Variants in TENM2 observed in about 807,000 individuals in gnomAD.
TENM2 encodes the protein teneurin-2.
A neutral mutation model predicts 245.2 loss-of-function variants in TENM2; 52 were observed. The observed-to-expected ratio is 0.21, with a 90% CI of 0.17 to 0.27. TENM2 has a LOEUF of 0.27. Ranked by LOEUF, TENM2 falls within the 10% of genes least tolerant of loss-of-function variation. TENM2 has a pLI of 1.00. For synonymous variants in TENM2, 1,363 were observed against 1,438.9 expected, an observed-to-expected ratio of 0.95 and a Z score of 1.19; for missense variants, 3,046 against 3,666.8, an observed-to-expected ratio of 0.83 and a Z score of 4.37.
chr5:167,425,090 G>A (rs907454964), intron 2 of TENM2, among the ~76,000 whole-genome samples: 8 of 152,316 alleles, frequency 5.3e-5, no homozygotes, highest in South Asian at 4.1e-4. Flanking sequence ...TTTGGTTATA[G>A]TACCTGCTTT....
intron 12 of TENM2, chr5:168,149,493 C>A: frequency 2.4e-6 from 1 of 409,040 alleles, no homozygotes; most frequent in East Asian, 7.9e-5. Context: ...TAAAGCCTTC[C>A]CTTTCCGAGG....
intron 12 of TENM2, among the ~76,000 whole-genome samples, chr5:168,151,303 CT>C (rs1756638851): frequency 6.6e-6 from 1 of 152,170 alleles, no homozygotes; most frequent in African/African-American, 2.4e-5. Context: ...TGGAGGGCAC[CT>C]TTCTGGGGCT....
At chr5:167,036,445 C>T in the TENM2 span, among the ~76,000 whole-genome samples, 1 of 152,170 alleles carries the variant, frequency 6.6e-6, no homozygotes, top group East Asian at 1.9e-4. Context: ...TATAAATTAT[C>T]CTCTTCAAAA....
At chr5:167,674,783 A>G (rs889787561) in intron 2 of TENM2, among the ~76,000 whole-genome samples, 1 of 152,104 alleles carries the variant, frequency 6.6e-6, no homozygotes, top group Non-Finnish European at 1.5e-5. Context: ...AGCATTAGTT[A>G]ACAGAAATGT....
intron 2 of TENM2, among the ~76,000 whole-genome samples, chr5:167,442,480 C>T (rs555785257): frequency 3.6e-4 from 55 of 151,980 alleles, no homozygotes; most frequent in Non-Finnish European, 7.2e-4. Flanking sequence ...AGTAATATCA[C>T]TCAAGTTCCC....
At chr5:167,944,467 C>T (rs541335326) in intron 3 of TENM2, among the ~76,000 whole-genome samples, 1 of 150,796 alleles carries the variant, frequency 6.6e-6, no homozygotes, top group East Asian at 1.9e-4. Flanking sequence ...AGGGGACCTG[C>T]TTCAGGTTGC....
At chr5:167,643,883 G>A (rs6881298) in intron 2 of TENM2, among the ~76,000 whole-genome samples, 9,375 of 152,226 alleles carry the variant, frequency 0.062, 712 homozygotes, top group East Asian at 0.25. Flanking sequence ...TCATAGTATT[G>A]AGATGAGTCA....
At chr5:168,037,258 C>G (rs1427308218) in intron 5 of TENM2, among the ~76,000 whole-genome samples, 2 of 152,156 alleles carry the variant, frequency 1.3e-5, no homozygotes, top group Non-Finnish European at 2.9e-5. Context: ...CCCCATGTGC[C>G]TAATTTGGCT....
intron 3 of TENM2, among the ~76,000 whole-genome samples, chr5:167,903,025 G>A (rs1182079373): frequency 2.0e-5 from 3 of 152,120 alleles, no homozygotes; most frequent in African/African-American, 7.2e-5. Flanking sequence ...ACATTAATTA[G>A]CTTGACTCAA....
intron 2 of TENM2, among the ~76,000 whole-genome samples, chr5:167,566,965 A>G (rs1385938868): frequency 6.6e-6 from 1 of 152,238 alleles, no homozygotes; most frequent in East Asian, 1.9e-4. Context: ...AAAAACCAAA[A>G]TGCCAGAACA....
chr5:167,755,168 G>A (rs761409421), intron 2 of TENM2: 4 of 1,598,872 alleles, frequency 2.5e-6, no homozygotes, highest in Non-Finnish European at 3.4e-6. Context: ...TTTTCTCCAT[G>A]GGAAGGTTGT....
chr5:166,984,317 A>G, the TENM2 span, among the ~76,000 whole-genome samples: 1 of 152,098 alleles, frequency 6.6e-6, no homozygotes, highest in Admixed American at 6.6e-5. Flanking sequence ...AATTGATACT[A>G]ATGATAATAT....
chr5:167,670,616 G>A (rs1172613648), intron 2 of TENM2, among the ~76,000 whole-genome samples: 1 of 152,116 alleles, frequency 6.6e-6, no homozygotes, highest in African/African-American at 2.4e-5. Context: ...AGACAGGATG[G>A]CACAGACGAT....
At chr5:168,113,555 T>A (rs1180642147) in intron 9 of TENM2, among the ~76,000 whole-genome samples, 1 of 151,572 alleles carries the variant, frequency 6.6e-6, no homozygotes, top group Non-Finnish European at 1.5e-5. Flanking sequence ...GCTTATCCTG[T>A]TACTTCCCAC....
intron 2 of TENM2, among the ~76,000 whole-genome samples, chr5:167,690,062 T>A (rs974034322): frequency 7.3e-5 from 11 of 150,668 alleles, no homozygotes; most frequent in Non-Finnish European, 1.5e-4. Context: ...AAGAAAATCA[T>A]CTGGGAATGG....
At chr5:167,755,038 C>T (rs1205800331) in intron 2 of TENM2, 2 of 1,592,462 alleles carry the variant, frequency 1.3e-6, no homozygotes, top group South Asian at 1.1e-5. Context: ...GAGCGGCCCA[C>T]TCCCAGCTTA....
chr5:167,382,832 A>G (rs1336818232), intron 2 of TENM2, among the ~76,000 whole-genome samples: 1 of 152,212 alleles, frequency 6.6e-6, no homozygotes, highest in African/African-American at 2.4e-5. Flanking sequence ...TGACACATTC[A>G]ATAATCAAAA....
intron 2 of TENM2, among the ~76,000 whole-genome samples, chr5:167,744,198 T>C (rs1761399958): frequency 6.6e-6 from 1 of 152,216 alleles, no homozygotes; most frequent in Admixed American, 6.5e-5. Flanking sequence ...ATTCTGAGTA[T>C]ACTTACTAAG....
the TENM2 span, among the ~76,000 whole-genome samples, chr5:167,060,680 A>C: frequency 6.6e-6 from 1 of 151,752 alleles, no homozygotes; most frequent in Non-Finnish European, 1.5e-5. Context: ...AAATACATTA[A>C]ATTTGATATA....
Sources: allele counts gnomAD v4.1 joint callset (sites outside exome capture counted in the v4.1 genomes callset), GRCh38; gene constraint gnomAD v4.1.1; transcripts MANE v1.5; gene names NCBI Gene and HGNC (gene_info 2026-07-23, HGNC 2026-07-21).